The following ESR1 variants were observed in gnomAD, a reference collection of about 807,000 sequenced individuals.
ESR1 encodes estrogen receptor 1.
Under a neutral mutation model 52.7 loss-of-function variants are expected in ESR1, and 12 were observed. That is an observed-to-expected ratio of 0.23 (90% CI 0.15 to 0.37). The LOEUF (loss-of-function observed/expected upper bound fraction) is 0.37. ESR1 is among the 10% of genes least tolerant of loss of function. The pLI, the probability that ESR1 is intolerant of heterozygous loss-of-function variation, is 1.00. For synonymous variants in ESR1, 305 were observed against 316.8 expected, an observed-to-expected ratio of 0.96 and a Z score of 0.39; for missense variants, 584 against 779.7, an observed-to-expected ratio of 0.75 and a Z score of 2.99.
At chr6:151,684,051 A>G (rs890913003) in intron 1 of ESR1, among the ~76,000 whole-genome samples, 1 of 151,948 alleles carries the variant, frequency 6.6e-6, no homozygotes, top group African/African-American at 2.4e-5. Context: ...CCTAGACACA[A>G]GCTCCTCAGG....
At chr6:152,039,123 A>G (rs1479710862) in intron 5 of ESR1, among the ~76,000 whole-genome samples, 2 of 152,204 alleles carry the variant, frequency 1.3e-5, no homozygotes, top group African/African-American at 4.8e-5. Context: ...ATTGATGACT[A>G]CCTTCTTCTA....
At chr6:151,842,273 T>C (rs982379689) in intron 1 of ESR1, among the ~76,000 whole-genome samples, 1 of 152,202 alleles carries the variant, frequency 6.6e-6, no homozygotes, top group African/African-American at 2.4e-5. Context: ...TGGTCTCTAA[T>C]GGTTCTGAAA....
At chr6:151,734,306 C>A (rs1017664163) in intron 2 of ESR1, among the ~76,000 whole-genome samples, 1 of 152,180 alleles carries the variant, frequency 6.6e-6, no homozygotes, top group South Asian at 2.1e-4. Flanking sequence ...ACACAATCCA[C>A]GTCAAGTTCC....
chr6:151,775,002 T>G (rs1396380035), intron 2 of ESR1, among the ~76,000 whole-genome samples: 2 of 152,242 alleles, frequency 1.3e-5, no homozygotes, highest in Non-Finnish European at 2.9e-5. Flanking sequence ...AGGTGGATCT[T>G]GAGCCAGTGT....
At chr6:151,785,619 T>G (rs1469714398) in intron 2 of ESR1, among the ~76,000 whole-genome samples, 1 of 152,132 alleles carries the variant, frequency 6.6e-6, no homozygotes, top group East Asian at 1.9e-4. Flanking sequence ...CTACCGCAGG[T>G]AAAGTCTAGG....
intron 6 of ESR1, among the ~76,000 whole-genome samples, chr6:152,091,481 A>G (rs536991194): frequency 2.4e-4 from 37 of 152,334 alleles, no homozygotes; most frequent in African/African-American, 8.4e-4. Flanking sequence ...TCTGCAGGCA[A>G]TATCTGCTCT....
At position 151,671,491 on chromosome 6, in the gene ESR1, A is replaced by C. The variant is rs62441961; in HGVS notation, n.73+14728A>C. ...TGGAATCCAAAAAAGTTGAACTCGT[A>C]GACACAGAGAGGAGAATGGTGGGTT... is the stretch of plus-strand genomic sequence containing the variant. On this transcript the variant is annotated intron_variant and non_coding_transcript_variant, in intron 1 of 2. Transcript: ENST00000473497. Among the ~76,000 whole-genome samples, 1,293 of 152,332 alleles carry C rather than the reference A, an allele frequency of 8.5e-3. 9 individuals carry two copies. Among genetic ancestry groups the C allele is most frequent in the Non-Finnish European group, 0.012 (830 of 68,030 alleles).
chr6:151,880,850 C>T (rs1792783226), intron 3 of ESR1, 79 bp downstream of exon 3: 5 of 763,526 alleles, frequency 6.5e-6, no homozygotes, highest in Non-Finnish European at 1.2e-5. Flanking sequence ...TGGAATAACA[C>T]CATGGGAATT....
intron 4 of ESR1, among the ~76,000 whole-genome samples, chr6:151,987,944 C>T (rs148469265): frequency 6.6e-6 from 1 of 152,018 alleles, no homozygotes. Flanking sequence ...ACCTCCCTTG[C>T]CTGTTGTTTG....
At chr6:151,969,742 A>G (rs895374899) in intron 4 of ESR1, among the ~76,000 whole-genome samples, 1 of 152,190 alleles carries the variant, frequency 6.6e-6, no homozygotes, top group Non-Finnish European at 1.5e-5. Flanking sequence ...CATTGTGAGC[A>G]TAAACACCTT....
chr6:151,823,956 G>A (rs1781034092), intron 1 of ESR1, among the ~76,000 whole-genome samples: 1 of 152,162 alleles, frequency 6.6e-6, no homozygotes, highest in African/African-American at 2.4e-5. Context: ...CTTTATAGCA[G>A]CATGATTTAT....
chr6:151,943,389 A>C (rs1012508075), intron 3 of ESR1, among the ~76,000 whole-genome samples: 2 of 145,938 alleles, frequency 1.4e-5, no homozygotes, highest in South Asian at 2.1e-4. Flanking sequence ...TAAAAAAAAA[A>C]CAAAAAAAAA....
At chr6:151,930,502 A>T (rs2033434509) in intron 3 of ESR1, among the ~76,000 whole-genome samples, 1 of 152,146 alleles carries the variant, frequency 6.6e-6, no homozygotes, top group South Asian at 2.1e-4. Flanking sequence ...TCACCTATAC[A>T]TTGCTGCTAT....
At chr6:152,032,069 G>A (rs965659145) in intron 5 of ESR1, among the ~76,000 whole-genome samples, 1 of 152,082 alleles carries the variant, frequency 6.6e-6, no homozygotes, top group African/African-American at 2.4e-5. Context: ...ATGCAGAAAA[G>A]GCCTTTGACA....
intron 3 of ESR1, among the ~76,000 whole-genome samples, chr6:151,933,517 A>T (rs941615915): frequency 1.1e-4 from 16 of 151,386 alleles, no homozygotes; most frequent in African/African-American, 3.6e-4. Context: ...GAGAGAGGGC[A>T]TCCCTGTCTT....
Position 152,027,584 on chromosome 6 carries a change from AT to A in ESR1, c.1235+15795del, listed in dbSNP as rs199701183. ...CTCTGGCTTACATTTTTTCTCAAGT[AT>A]TTTTAAGTGATTGCTTCATTATTTT... On this transcript the variant is annotated intron_variant, in intron 5 of 7. Coordinates refer to ENST00000206249, the MANE Select transcript of ESR1 (RefSeq NM_000125.4). Among the ~76,000 whole-genome samples the A allele has an allele frequency of 4.2e-3, 630 of 150,466 alleles. 8 individuals carry two copies. Among genetic ancestry groups the A allele is most frequent in the African/African-American group, 0.015 (603 of 41,044 alleles).
intron 5 of ESR1, among the ~76,000 whole-genome samples, chr6:152,034,817 C>T (rs755418300): frequency 7.2e-5 from 11 of 152,118 alleles, no homozygotes; most frequent in Admixed American, 2.6e-4. Flanking sequence ...AGGATACAAG[C>T]TAAAAATGGG....
At chr6:151,995,203 C>T (rs2041370584) in intron 4 of ESR1, among the ~76,000 whole-genome samples, 1 of 152,154 alleles carries the variant, frequency 6.6e-6, no homozygotes, top group Non-Finnish European at 1.5e-5. Flanking sequence ...ACTCCTGAAT[C>T]CATAAAAGGG....
intron 2 of ESR1, among the ~76,000 whole-genome samples, chr6:151,707,995 C>G (rs1014465464): frequency 7.9e-5 from 12 of 151,816 alleles, no homozygotes; most frequent in African/African-American, 2.9e-4. Flanking sequence ...TTTTTTCCTC[C>G]CTTTTTCCTT....
Sources: gnomAD v4.1 joint callset for allele counts (sites outside exome capture counted in the v4.1 genomes callset) on GRCh38, gnomAD v4.1.1 for gene constraint, MANE v1.5 for transcripts, NCBI Gene and HGNC (gene_info 2026-07-23, HGNC 2026-07-21) for gene names.